The following ATP6V1B1 variants were observed in gnomAD, a reference collection of about 807,000 sequenced individuals.
ATP6V1B1 encodes the protein V-type proton ATPase subunit B, kidney isoform.
A neutral mutation model predicts 62.1 loss-of-function variants in ATP6V1B1; 41 were observed. The ratio of observed to expected loss-of-function variants is 0.66; its 90% confidence interval spans 0.51 to 0.86. The LOEUF (loss-of-function observed/expected upper bound fraction) is 0.86, where lower values mean the gene tolerates loss of function less well. ATP6V1B1 is among the 40% of genes least tolerant of loss of function. ATP6V1B1 has a pLI of 0.00. For synonymous variants in ATP6V1B1, 253 were observed against 273.4 expected, an observed-to-expected ratio of 0.93 and a Z score of 0.74; for missense variants, 651 against 697.5, an observed-to-expected ratio of 0.93 and a Z score of 0.75.
At chr2:70,936,139 C>T (rs1045080650) in intron 1 of ATP6V1B1, 67 bp downstream of exon 1, 196 of 1,516,946 alleles carry the variant, frequency 1.3e-4, no homozygotes, top group Non-Finnish European at 1.7e-4. Context: ...GCCAGGTTCC[C>T]GGGCCCCGCT....
intron 2 of ATP6V1B1, among the ~76,000 whole-genome samples, chr2:70,954,020 A>G (rs781842807): frequency 6.6e-6 from 1 of 152,050 alleles, no homozygotes; most frequent in Non-Finnish European, 1.5e-5. Flanking sequence ...TGCCTTTCTT[A>G]TTTCTTAATC....
At chr2:70,961,177 C>A in intron 7 of ATP6V1B1, 155 bp downstream of exon 7, 1 of 797,556 alleles carries the variant, frequency 1.3e-6, no homozygotes, top group Non-Finnish European at 2.1e-6. Flanking sequence ...GGCCATGTGT[C>A]CCTCAGGGTG....
rs1572924733 is a variant in ATP6V1B1 at position 70,964,965 on chromosome 2, C to G, written c.1386C>G (p.Tyr462Ter). ...FEKNFINQGPYENRSVFESLD... is the reference protein window; with the variant it reads ...FEKNFINQGP ...CTCCCGCTCTGTCCCTAGGCCCCTA[C>G]GAGAACCGCTCGGTGTTCGAGTCGC... Residue 462 changes from tyrosine to a stop codon, truncating the protein, a stop_gained, in exon 14 of 14, where the codon TAC (tyrosine) becomes TAG (stop). Transcript: ENST00000234396. LOFTEE classifies it high-confidence loss of function. 1 of 1,613,918 alleles carries G rather than the reference C, an allele frequency of 6.2e-7. No homozygotes were observed. The highest frequency in any genetic ancestry group is 1.7e-5 in the Admixed American group (1 of 60,008).
chr2:70,954,465 C>T (rs1553418710), intron 2 of ATP6V1B1, among the ~76,000 whole-genome samples: 1 of 152,162 alleles, frequency 6.6e-6, no homozygotes, highest in Non-Finnish European at 1.5e-5. Flanking sequence ...TAGGTAATGG[C>T]ACAAAATCAT....
Position 70,965,165 on chromosome 2 carries a change from T to C in ATP6V1B1, c.*44T>C, listed in dbSNP as rs782081202. The C allele has an allele frequency of 5.0e-6, 8 of 1,596,922 alleles. No individual in the cohort carries two copies. The highest frequency in any genetic ancestry group is 3.3e-5 in the Admixed American group (2 of 59,920). On this transcript the variant is annotated 3_prime_UTR_variant, in exon 14 of 14. Coordinates refer to ENST00000234396, the MANE Select transcript of ATP6V1B1 (RefSeq NM_001692.4). ...CCCAACACCGGCAGGGAACCTACCC[T>C]CGGCTCCCGGGTCTCCCCTCCCTCG... is the stretch of plus-strand genomic sequence containing the variant.
intron 2 of ATP6V1B1, among the ~76,000 whole-genome samples, chr2:70,956,830 A>C (rs1680446573): frequency 6.6e-6 from 1 of 151,980 alleles, no homozygotes; most frequent in Non-Finnish European, 1.5e-5. Context: ...TGTGATCCAC[A>C]TGCCTCAGCC....
chr2:70,964,145 TAACCATTAAGCTTCAAAGTG>T, intron 11 of ATP6V1B1: 1 of 296,446 alleles, frequency 3.4e-6, no homozygotes, highest in Non-Finnish European at 6.2e-6. Context: ...TTGCAGCTAT[TAACCATTAAGCTTCAAAGTG>T]GTTTTTGTCC....
At position 70,961,473 on chromosome 2, in the gene ATP6V1B1, T is replaced by C. The variant is rs2104829489; in HGVS notation, c.688-123T>C. 2.3e-5 allele frequency: 24 copies of C among 1,023,348 alleles called. No homozygotes were observed. In the South Asian group the frequency reaches 3.1e-4, roughly 13 times the overall value. 63.4% of individuals were successfully genotyped at this position (1,023,348 alleles called of 1,614,324 possible). A position where few individuals can be genotyped will look rare whatever the true frequency, so the allele number is the denominator to read the frequency against. On this transcript the variant is annotated intron_variant, in intron 7 of 13. Coordinates refer to ENST00000234396, the MANE Select transcript of ATP6V1B1 (RefSeq NM_001692.4). ...CCGGGGTCACCCCATGGCCTTGGTG[T>C]CTTCACCCCCAGCGACTGGTAGCTG...
chr2:70,941,888 C>T, intron 1 of ATP6V1B1: 1 of 987,078 alleles, frequency 1.0e-6, no homozygotes, highest in South Asian at 4.7e-5. Context: ...TGCACCCAGG[C>T]TCTGAGTGTA....
At chr2:70,945,722 A>ATG (rs1451441449) in intron 2 of ATP6V1B1, among the ~76,000 whole-genome samples, 2 of 134,558 alleles carry the variant, frequency 1.5e-5, no homozygotes, top group Non-Finnish European at 3.2e-5. Flanking sequence ...ATATATATAT[A>ATG]TATATATATA....
At position 70,962,794 on chromosome 2, in the gene ATP6V1B1, C is replaced by A; in HGVS notation, c.803C>A (p.Thr268Asn). 1 of 1,614,090 alleles carries A rather than the reference C, an allele frequency of 6.2e-7. No individual in the cohort carries two copies. The highest frequency in any genetic ancestry group is 8.5e-7 in the Non-Finnish European group (1 of 1,180,016). The change falls in exon 9 of 14, where the codon ACC becomes AAC. Residue 268 changes from threonine to asparagine, a missense_variant. Physicochemically the swap from Thr to Asn is moderately conservative, Grantham distance 65 (BLOSUM62 0). Transcript: ENST00000234396. Reference sequence around the variant, plus strand: ...ACCTCCAGGATCGAGCGGATCATCACCCCGCGCCTGGCGCTGACCACTGCT... The same window carrying A: ...ACCTCCAGGATCGAGCGGATCATCAACCCGCGCCTGGCGCTGACCACTGCT... ...ANDPTIERII[T>N]PRLALTTAEF...
Position 70,962,785 on chromosome 2 carries a change from G to A in ATP6V1B1, c.794G>A (p.Arg265Gln), listed in dbSNP as rs1244407091. 7.4e-6 allele frequency: 12 copies of A among 1,613,932 alleles called. No individual in the cohort carries two copies. Among genetic ancestry groups the A allele is most frequent in the East Asian group, 2.2e-5 (1 of 44,884 alleles). Residue 265 changes from arginine (R) to glutamine (Q), a missense_variant, in exon 9 of 14, where the codon CGG becomes CAG. Transcript: ENST00000234396. ...LNLANDPTIE[R>Q]IITPRLALTT... Reference sequence around the variant, plus strand: ...CCTGGCTACACCTCCAGGATCGAGCGGATCATCACCCCGCGCCTGGCGCTG... The same window carrying A: ...CCTGGCTACACCTCCAGGATCGAGCAGATCATCACCCCGCGCCTGGCGCTG...
At chr2:70,946,723 C>A (rs1553417417) in intron 2 of ATP6V1B1, among the ~76,000 whole-genome samples, 1 of 152,202 alleles carries the variant, frequency 6.6e-6, no homozygotes, top group East Asian at 1.9e-4. Flanking sequence ...ACAGTTGGTG[C>A]CACCTCCTGC....
chr2:70,961,590 A>G lies in ATP6V1B1; in HGVS notation c.688-6A>G. ...CTACCTCCAGCCCACCCTGCTGTGT[A>G]TCCAGGTGAACATGGAGACAGCCAG... On this transcript the variant is annotated splice_polypyrimidine_tract_variant and splice_region_variant and intron_variant, in intron 7 of 13. Transcript: ENST00000234396. The G allele has an allele frequency of 6.2e-7, 1 of 1,613,752 alleles. No individual in the cohort carries two copies. Among genetic ancestry groups the G allele is most frequent in the East Asian group, 2.2e-5 (1 of 44,886 alleles).
At chr2:70,940,832 A>C (rs1558668531) in intron 1 of ATP6V1B1, 1 of 984,990 alleles carries the variant, frequency 1.0e-6, no homozygotes, top group Non-Finnish European at 1.2e-6. Context: ...GAGAAGGAGC[A>C]GATGGGGTCA....
intron 1 of ATP6V1B1, among the ~76,000 whole-genome samples, chr2:70,938,291 A>G (rs1679907174): frequency 6.6e-6 from 1 of 152,010 alleles, no homozygotes; most frequent in Admixed American, 6.5e-5. Flanking sequence ...GCCTGTGGAC[A>G]GGCGCAGGGC....
rs782001570 is a variant in ATP6V1B1 at position 70,965,026 on chromosome 2, A to C, written c.1447A>C (p.Lys483Gln). ...CTGGAAGCTGCTGCGCATCTTCCCC[A>C]AGGAGATGCTGAAGCGCATTCCGCA... ...LGWKLLRIFP[K>Q]EMLKRIPQAV... is the part of the protein sequence containing the mutation. The change falls in exon 14 of 14, where the codon AAG becomes CAG. Residue 483 changes from lysine to glutamine, a missense_variant. By Grantham distance (53) the Lys-to-Gln change is moderately conservative (BLOSUM62 1). Coordinates refer to ENST00000234396, the MANE Select transcript of ATP6V1B1 (RefSeq NM_001692.4). 2 of 1,613,702 alleles carry C rather than the reference A, an allele frequency of 1.2e-6. No individual in the cohort carries two copies.
At chr2:70,941,738 T>C (rs1680009033) in intron 1 of ATP6V1B1, 2 of 985,668 alleles carry the variant, frequency 2.0e-6, no homozygotes, top group Admixed American at 1.2e-4. Flanking sequence ...AGAAGGCAGA[T>C]CTCAGAGGAA....
intron 2 of ATP6V1B1, among the ~76,000 whole-genome samples, chr2:70,956,911 AGT>A (rs1375471914): frequency 1.3e-5 from 2 of 151,986 alleles, no homozygotes; most frequent in African/African-American, 4.8e-5. Flanking sequence ...GCCATCCTAG[AGT>A]GTGTGAAGTG....
Sources: allele counts gnomAD v4.1 joint callset (sites outside exome capture counted in the v4.1 genomes callset), GRCh38; gene constraint gnomAD v4.1.1; transcripts MANE v1.5; gene names NCBI Gene and HGNC (gene_info 2026-07-23, HGNC 2026-07-21).